The following CRACD variants were observed in gnomAD, a reference collection of about 807,000 sequenced individuals.
The protein encoded by CRACD is capping protein-inhibiting regulator of actin dynamics.
In CRACD, 56 loss-of-function variants were observed where a neutral mutation model predicts 106.8. The observed-to-expected ratio is 0.52, with a 90% CI of 0.42 to 0.66. CRACD has a LOEUF of 0.66. Ranked by LOEUF, CRACD falls within the 30% of genes least tolerant of loss-of-function variation. The pLI is 0.00. For missense variants in CRACD, 1,730 were observed against 1,623.2 expected (o/e 1.07, Z -1.13); for synonymous variants, 754 against 670.8 (o/e 1.12, Z -1.92).
rs1738771542 is a variant in CRACD, at chr4:56,217,505, T to C, written c.-189+38075T>C. Among the ~76,000 whole-genome samples the C allele has an allele frequency of 5.3e-5, 8 of 151,996 alleles. No homozygotes were observed. The South Asian group carries it at 1.7e-3, about 32-fold the overall frequency. ...TCTGGTTGGCATTTGGTTGAAAGAG[T>C]TTATTAAAGACCTGGAATCAATAGA... On this transcript the variant is annotated intron_variant, in intron 2 of 10. Transcript: ENST00000682029.
intron 1 of CRACD, among the ~76,000 whole-genome samples, chr4:56,093,225 C>G (rs1461924773): frequency 6.6e-6 from 1 of 152,144 alleles, no homozygotes; most frequent in African/African-American, 2.4e-5. Context: ...TTACTGTGTG[C>G]TAGGCACTGA....
intron 2 of CRACD, among the ~76,000 whole-genome samples, chr4:56,208,527 C>T (rs1382606204): frequency 6.6e-6 from 1 of 152,292 alleles, no homozygotes; most frequent in East Asian, 1.9e-4. Context: ...ATTAGGTACA[C>T]AGGCCTTCTA....
chr4:56,063,313 C>T (rs1438262710), intron 1 of CRACD, among the ~76,000 whole-genome samples: 6 of 152,002 alleles, frequency 3.9e-5, no homozygotes, highest in African/African-American at 1.2e-4. Context: ...CTGCCTCAGC[C>T]GCTCAAGTAG....
At chr4:56,132,769 A>G (rs1278153040) in intron 1 of CRACD, among the ~76,000 whole-genome samples, 1 of 152,238 alleles carries the variant, frequency 6.6e-6, no homozygotes, top group Admixed American at 6.5e-5. Flanking sequence ...CAGGATGATT[A>G]GTAGTCGTGG....
chr4:56,239,363 A>G (rs2109557071), intron 2 of CRACD, among the ~76,000 whole-genome samples: 1 of 152,034 alleles, frequency 6.6e-6, no homozygotes. Flanking sequence ...TGTCTATGGG[A>G]AGATAATTTT....
chr4:56,322,985 C>T (rs1299999093), intron 8 of CRACD, among the ~76,000 whole-genome samples: 1 of 152,184 alleles, frequency 6.6e-6, no homozygotes, highest in Non-Finnish European at 1.5e-5. Flanking sequence ...GCCGAGATTG[C>T]ACCACTGCTC....
chr4:56,175,495 T>A (rs1736545925), intron 1 of CRACD, among the ~76,000 whole-genome samples: 1 of 152,234 alleles, frequency 6.6e-6, no homozygotes, highest in African/African-American at 2.4e-5. Context: ...TTCTGTTTTT[T>A]AATTTTTTAA....
chr4:56,320,518 C>T (rs757406445), intron 8 of CRACD, among the ~76,000 whole-genome samples: 1 of 152,172 alleles, frequency 6.6e-6, no homozygotes, highest in Non-Finnish European at 1.5e-5. Context: ...ATCCTTTGTG[C>T]GACATCATTT....
intron 1 of CRACD, among the ~76,000 whole-genome samples, chr4:56,071,955 G>A (rs935035657): frequency 6.6e-6 from 1 of 151,576 alleles, no homozygotes; most frequent in South Asian, 2.1e-4. Flanking sequence ...GTGAAACCCC[G>A]TCTCTACTAA....
At chr4:56,251,390 T>C (rs13149151) in intron 2 of CRACD, among the ~76,000 whole-genome samples, 41,064 of 152,214 alleles carry the variant, frequency 0.27, 6,247 homozygotes, top group Middle Eastern at 0.46. Context: ...ACTCAAAAAA[T>C]ATCAGGTGAT....
chr4:56,259,223 C>T (rs28432678), intron 2 of CRACD, among the ~76,000 whole-genome samples: 1 of 151,928 alleles, frequency 6.6e-6, no homozygotes, highest in African/African-American at 2.4e-5. Flanking sequence ...TGACTCACTT[C>T]ATCTACCGGA....
At chr4:56,293,341 A>G (rs1241548445) in intron 3 of CRACD, among the ~76,000 whole-genome samples, 1 of 152,216 alleles carries the variant, frequency 6.6e-6, no homozygotes, top group Non-Finnish European at 1.5e-5. Context: ...TACAGATTTT[A>G]GAAGCATTGT....
chr4:56,163,847 A>T (rs1188019737), intron 1 of CRACD, among the ~76,000 whole-genome samples: 1 of 152,050 alleles, frequency 6.6e-6, no homozygotes, highest in Non-Finnish European at 1.5e-5. Context: ...CTGGGTTCAA[A>T]TGATTCTCAT....
chr4:56,209,363 AT>A (rs943863996), intron 2 of CRACD, among the ~76,000 whole-genome samples: 3 of 151,610 alleles, frequency 2.0e-5, no homozygotes, highest in Admixed American at 6.6e-5. Flanking sequence ...GCCTAGACAA[AT>A]TTTTTTTTAA....
chr4:56,223,063 T>G (rs1285541585), intron 2 of CRACD, among the ~76,000 whole-genome samples: 1 of 149,874 alleles, frequency 6.7e-6, no homozygotes, highest in Non-Finnish European at 1.5e-5. Context: ...AAGCAGCAGA[T>G]CTTCACCTTA....
intron 1 of CRACD, chr4:56,049,966 C>A (rs1423891647): frequency 6.6e-6 from 1 of 151,780 alleles, no homozygotes; most frequent in Non-Finnish European, 1.5e-5. Flanking sequence ...TCCTTTCTTG[C>A]AGAGCTCTGT....
chr4:56,090,519 C>T (rs1577956303), intron 1 of CRACD, among the ~76,000 whole-genome samples: 2 of 152,002 alleles, frequency 1.3e-5, no homozygotes, highest in Admixed American at 6.6e-5. Flanking sequence ...CTCAGCCTCC[C>T]GAGTAGCTGG....
chr4:56,104,911 G>A (rs997104068), intron 1 of CRACD, among the ~76,000 whole-genome samples: 1 of 149,684 alleles, frequency 6.7e-6, no homozygotes, highest in Non-Finnish European at 1.5e-5. Flanking sequence ...AACTTGCAAT[G>A]AGCTGAGTTG....
At chr4:56,156,066 C>T (rs934378986) in intron 1 of CRACD, among the ~76,000 whole-genome samples, 18 of 152,104 alleles carry the variant, frequency 1.2e-4, no homozygotes, top group Admixed American at 5.9e-4. Context: ...TGGGTTCAGG[C>T]GATTCTCATG....
Sources: gnomAD v4.1 joint callset for allele counts (sites outside exome capture counted in the v4.1 genomes callset) on GRCh38, gnomAD v4.1.1 for gene constraint, MANE v1.5 for transcripts, NCBI Gene and HGNC (gene_info 2026-07-23, HGNC 2026-07-21) for gene names.